The following TCTN1 variants were observed in gnomAD, a reference collection of about 807,000 sequenced individuals.
The protein encoded by TCTN1 is tectonic-1.
In TCTN1, 58 loss-of-function variants were observed where a neutral mutation model predicts 65.8. The observed-to-expected ratio is 0.88, with a 90% CI of 0.71 to 1.10. The LOEUF (loss-of-function observed/expected upper bound fraction) is 1.10. Among genes scored for constraint, TCTN1 ranks in the 50% least tolerant of loss-of-function variants. The pLI is 0.00. For synonymous variants in TCTN1, 273 were observed against 289.1 expected (o/e 0.94, Z 0.57); for missense variants, 645 against 719.4 (o/e 0.90, Z 1.18).
rs118096349 is a variant in TCTN1 at position 110,645,031 on chromosome 12, G to A, written c.1396G>A (p.Gly466Ser). 6.8e-6 allele frequency: 11 copies of A among 1,614,068 alleles called. No individual in the cohort carries two copies. The highest frequency in any genetic ancestry group is 9.3e-6 in the Non-Finnish European group (11 of 1,180,034). Residue 466 changes from glycine (G) to serine (S), a missense_variant, in exon 12 of 15, where the codon GGC becomes AGC. By Grantham distance (56) the Gly-to-Ser change is moderately conservative. Coordinates refer to ENST00000397659, the MANE Select transcript of TCTN1 (RefSeq NM_001082538.3). ...GGTGAAGAGCCTGCTGTGGGGCCAG[G>A]GCTTCCCAGATTACGTGGCCCCTTT... is the stretch of plus-strand genomic sequence containing the variant. ...QKVKSLLWGQ[G>S]FPDYVAPFGN...
intron 4 of TCTN1, among the ~76,000 whole-genome samples, chr12:110,630,866 C>A (rs573320400): frequency 6.6e-6 from 1 of 152,300 alleles, no homozygotes; most frequent in South Asian, 2.1e-4. Flanking sequence ...TTCATGCACC[C>A]CCCTGGGAGG....
chr12:110,647,475 T>G, intron 13 of TCTN1, 139 bp downstream of exon 13: 1 of 1,206,922 alleles, frequency 8.3e-7, no homozygotes, highest in South Asian at 1.3e-5. Context: ...CAGCAGTCAT[T>G]CTTAGAAACA....
At chr12:110,627,284 A>T (rs2065923284) in intron 3 of TCTN1, among the ~76,000 whole-genome samples, 1 of 151,730 alleles carries the variant, frequency 6.6e-6, no homozygotes, top group African/African-American at 2.4e-5. Flanking sequence ...TTTAGTAGAG[A>T]CAGGGTTTCA....
intron 6 of TCTN1, among the ~76,000 whole-genome samples, chr12:110,635,123 A>C (rs1210325262): frequency 2.0e-5 from 3 of 152,202 alleles, no homozygotes; most frequent in Admixed American, 6.5e-5. Flanking sequence ...TATTAGCCCC[A>C]AAAAGGGCTC....
rs541414800 is a variant in TCTN1 at position 110,615,850 on chromosome 12, T to C, written c.220+1448T>C. Among the ~76,000 whole-genome samples the C allele has an allele frequency of 2.6e-5, 4 of 152,346 alleles. No homozygotes were observed. The East Asian group carries it at 5.8e-4, about 22-fold the overall frequency. Reference sequence around the variant, plus strand: ...TCAGTATTAGTAAGTAAAAAAGTCATCAGCTGAGATCTTGAACTCTAGGAC... The same window carrying C: ...TCAGTATTAGTAAGTAAAAAAGTCACCAGCTGAGATCTTGAACTCTAGGAC... On this transcript the variant is annotated intron_variant, in intron 1 of 14. Coordinates refer to ENST00000397659, the MANE Select transcript of TCTN1 (RefSeq NM_001082538.3).
intron 2 of TCTN1, among the ~76,000 whole-genome samples, chr12:110,623,616 A>G (rs1470309225): frequency 6.6e-6 from 1 of 152,244 alleles, no homozygotes; most frequent in Non-Finnish European, 1.5e-5. Flanking sequence ...AGCATTACAT[A>G]TAATTGGGGA....
intron 1 of TCTN1, among the ~76,000 whole-genome samples, chr12:110,615,532 G>GT (rs2064977689): frequency 6.6e-6 from 1 of 152,160 alleles, no homozygotes; most frequent in African/African-American, 2.4e-5. Flanking sequence ...CCAGGCTGGA[G>GT]TGCAGTGGCG....
rs2065291972 is a variant in TCTN1, at chr12:110,619,840, T to C, written c.225T>C (p.Ala75=). ...CTACCCCTCTTTTTTCTGCAGTTGC[T>C]GTTCTCTGTGTCTGTGACTTATCCC... The part of the protein sequence containing the change: ...GPRPTPVTDV[A]VLCVCDLSPA... The change falls in exon 2 of 15, where the codon GCT becomes GCC. Residue 75 remains alanine (A), a synonymous_variant. Coordinates refer to ENST00000397659, the MANE Select transcript of TCTN1 (RefSeq NM_001082538.3). 6.2e-7 allele frequency: 1 copy of C among 1,614,190 alleles called. No homozygotes were observed. The highest frequency in any genetic ancestry group is 8.5e-7 in the Non-Finnish European group (1 of 1,180,042).
In TCTN1 at chr12:110,647,179, T is replaced by G. The variant is rs1187958256; in HGVS notation, c.1495-17T>G. On this transcript the variant is annotated splice_polypyrimidine_tract_variant and intron_variant, in intron 12 of 14. Coordinates refer to ENST00000397659, the MANE Select transcript of TCTN1 (RefSeq NM_001082538.3). ...AAGTCTGACTTGCAGTTTTGTAAGA[T>G]TCTAATGGATTAACAGCATTTTGTT... 1 of 1,614,208 alleles carries G rather than the reference T, an allele frequency of 6.2e-7. No homozygotes were observed. The highest frequency in any genetic ancestry group is 1.1e-5 in the South Asian group (1 of 91,084).
intron 6 of TCTN1, chr12:110,635,565 G>A (rs1399480032): frequency 6.6e-6 from 1 of 152,292 alleles, no homozygotes; most frequent in Non-Finnish European, 1.5e-5. Context: ...AGGTTGCAGT[G>A]AGCTGAGGTT....
chr12:110,635,636 C>G (rs1488401494), intron 6 of TCTN1: 1 of 152,182 alleles, frequency 6.6e-6, no homozygotes, highest in African/African-American at 2.4e-5. Context: ...CAGAGTGAGA[C>G]CTGGTCTCTA....
chr12:110,619,016 CAA>C (rs1289748093), intron 1 of TCTN1, among the ~76,000 whole-genome samples: 11 of 109,208 alleles, frequency 1.0e-4, no homozygotes, highest in Admixed American at 1.9e-4. Context: ...AATAAAAATA[CAA>C]AAAAAAAAAA....
At chr12:110,617,050 C>T (rs1025096214) in intron 1 of TCTN1, 25 of 152,184 alleles carry the variant, frequency 1.6e-4, no homozygotes, top group Non-Finnish European at 3.4e-4. Context: ...ACTATTGCTT[C>T]GTCCTTAGTA....
chr12:110,622,605 G>C (rs546993632), intron 2 of TCTN1, among the ~76,000 whole-genome samples: 1 of 152,154 alleles, frequency 6.6e-6, no homozygotes, highest in Non-Finnish European at 1.5e-5. Context: ...CCAGGCAGAG[G>C]GAACTGCGTG....
chr12:110,641,142 T>G lies in TCTN1; in HGVS notation c.1097T>G (p.Phe366Cys). ...CTGCAGCAAAAGTTTGAAATTCATTTTCTTCAGGTAAGGTTGATCAATTTG... is the reference window on the plus strand; with the variant it reads ...CTGCAGCAAAAGTTTGAAATTCATTGTCTTCAGGTAAGGTTGATCAATTTG... ...VPLQQKFEIH[F>C]LQENTQPVPL... is the part of the protein sequence containing the mutation. The change falls in exon 9 of 15, where the codon TTT (phenylalanine) becomes TGT (cysteine). Residue 366 changes from phenylalanine to cysteine, a missense_variant. Transcript: ENST00000397659. 1.2e-6 allele frequency: 2 copies of G among 1,614,258 alleles called. No individual in the cohort carries two copies. Among genetic ancestry groups the G allele is most frequent in the African/African-American group, 2.7e-5 (2 of 75,078 alleles).
At chr12:110,647,027 G>A in intron 12 of TCTN1, 169 bp from the exon 13 acceptor site, 5 of 744,092 alleles carry the variant, frequency 6.7e-6, no homozygotes, top group Non-Finnish European at 8.6e-6. Context: ...GGGGCATTGA[G>A]TTACTTTAAA....
Position 110,640,462 on chromosome 12 carries a change from A to T in TCTN1, c.923A>T (p.Gln308Leu). ...LTRREDTDVL[Q>L]PTLVNAGHFS... ...CGACGGGAGGACACTGATGTGCTGC[A>T]GCCGACTCTCGTCAACGCTGGACAC... The change falls in exon 8 of 15, where the codon CAG becomes CTG. Residue 308 changes from glutamine (Q) to leucine (L), a missense_variant. By Grantham distance (113) the Gln-to-Leu change is moderately radical. Transcript: ENST00000397659. This position sits in a 1 kb window ranked among gnomAD's most constrained non-coding sequence, Gnocchi z 4.9. 6.2e-7 allele frequency: 1 copy of T among 1,614,242 alleles called. No homozygotes were observed.
chr12:110,625,103 C>T (rs892400239), intron 2 of TCTN1, among the ~76,000 whole-genome samples: 2 of 152,188 alleles, frequency 1.3e-5, no homozygotes, highest in Admixed American at 1.3e-4. Context: ...TGGATCTATT[C>T]TGGGTACTTT....
chr12:110,632,088 G>A (rs561483049), intron 4 of TCTN1, among the ~76,000 whole-genome samples: 7 of 152,262 alleles, frequency 4.6e-5, no homozygotes, highest in African/African-American at 1.7e-4. Flanking sequence ...ATAAAAAATT[G>A]ATTTTTATGA....
Sources: gnomAD v4.1 joint callset for allele counts (sites outside exome capture counted in the v4.1 genomes callset) on GRCh38, gnomAD v4.1.1 for gene constraint, Gnocchi (gnomAD v3.1) non-coding constraint, MANE v1.5 for transcripts, NCBI Gene and HGNC (gene_info 2026-07-23, HGNC 2026-07-21) for gene names.